Variants in CRADD observed in about 807,000 individuals in gnomAD.
CRADD encodes death domain-containing protein CRADD.
Under a neutral mutation model 15.5 loss-of-function variants are expected in CRADD, and 9 were observed. The observed-to-expected ratio is 0.58, with a 90% CI of 0.35 to 1.01. The LOEUF (loss-of-function observed/expected upper bound fraction) is 1.01. Ranked by LOEUF, CRADD falls within the 50% of genes least tolerant of loss-of-function variation. CRADD has a pLI of 0.02. For missense variants in CRADD, 227 were observed against 250.3 expected (o/e 0.91, Z 0.63); for synonymous variants, 118 against 107.6 (o/e 1.10, Z -0.60).
At chr12:93,751,559 C>T (rs1262240618) in intron 2 of CRADD, among the ~76,000 whole-genome samples, 1 of 152,166 alleles carries the variant, frequency 6.6e-6, no homozygotes, top group African/African-American at 2.4e-5. Context: ...GTTTTAAATA[C>T]TTGACTCTAA....
chr12:93,749,648 A>G (rs537706874), intron 2 of CRADD, among the ~76,000 whole-genome samples: 1 of 152,140 alleles, frequency 6.6e-6, no homozygotes, highest in Non-Finnish European at 1.5e-5. Context: ...TAATTAAAGA[A>G]TATGTGAGCA....
chr12:93,848,295 G>A (rs1460980233), intron 2 of CRADD, among the ~76,000 whole-genome samples: 1 of 152,152 alleles, frequency 6.6e-6, no homozygotes, highest in Non-Finnish European at 1.5e-5. Flanking sequence ...ACACCAGAAA[G>A]AGCCCTTGAC....
intron 2 of CRADD, among the ~76,000 whole-genome samples, chr12:93,841,198 G>A (rs1240401670): frequency 2.0e-5 from 3 of 151,932 alleles, no homozygotes; most frequent in African/African-American, 7.3e-5. Flanking sequence ...TTCATGATAT[G>A]TTACTTTCAA....
intron 2 of CRADD, among the ~76,000 whole-genome samples, chr12:93,829,990 C>T (rs1957874238): frequency 6.6e-6 from 1 of 152,270 alleles, no homozygotes; most frequent in South Asian, 2.1e-4. Flanking sequence ...CCACGCCCGG[C>T]GGTTATTTCA....
intron 2 of CRADD, among the ~76,000 whole-genome samples, chr12:93,744,662 G>A (rs1337861800): frequency 3.3e-5 from 5 of 152,096 alleles, no homozygotes; most frequent in African/African-American, 1.2e-4. Context: ...AACCTCATAA[G>A]CAGCCATTTA....
intron 2 of CRADD, among the ~76,000 whole-genome samples, chr12:93,842,098 A>T (rs1446885221): frequency 6.8e-6 from 1 of 147,600 alleles, no homozygotes; most frequent in Non-Finnish European, 1.5e-5. Context: ...CTCTTCCAGC[A>T]GCTATTTGTG....
intron 2 of CRADD, among the ~76,000 whole-genome samples, chr12:93,681,680 G>T (rs896127251): frequency 2.0e-5 from 3 of 152,140 alleles, no homozygotes; most frequent in Admixed American, 6.5e-5. Context: ...TATTACGATT[G>T]CCTTTAAAAA....
intron 2 of CRADD, among the ~76,000 whole-genome samples, chr12:93,817,346 C>A (rs1320324340): frequency 6.6e-6 from 1 of 152,166 alleles, no homozygotes; most frequent in Non-Finnish European, 1.5e-5. Context: ...GGGTTCGGGA[C>A]AGGGAACGTG....
rs903095279 is a variant in CRADD at position 93,678,954 on chromosome 12, C to T, written c.180C>T (p.Ile60=). The change falls in exon 2 of 3, where the codon ATC becomes ATT. Residue 60 remains isoleucine (I), a synonymous_variant. Coordinates refer to ENST00000332896, the MANE Select transcript of CRADD (RefSeq NM_003805.5). ...GGAAAACAATGCTCCTGCTGGATATCCTACCTTCCAGGGGCCCTAAAGCAT... is the reference window on the plus strand; with the variant it reads ...GGAAAACAATGCTCCTGCTGGATATTCTACCTTCCAGGGGCCCTAAAGCAT... ...GLRKTMLLLD[I]LPSRGPKAFD... 6.8e-6 allele frequency: 11 copies of T among 1,613,920 alleles called. No homozygotes were observed. Among genetic ancestry groups the T allele is most frequent in the Non-Finnish European group, 9.3e-6 (11 of 1,179,924 alleles).
At chr12:93,860,357 A>C (rs1042029109) in intron 2 of CRADD, among the ~76,000 whole-genome samples, 1 of 152,204 alleles carries the variant, frequency 6.6e-6, no homozygotes, top group Non-Finnish European at 1.5e-5. Flanking sequence ...TGGACCAATC[A>C]TGGAACCTTT....
At chr12:93,810,324 G>A (rs997384492) in intron 2 of CRADD, among the ~76,000 whole-genome samples, 6 of 151,976 alleles carry the variant, frequency 3.9e-5, no homozygotes, top group Non-Finnish European at 5.9e-5. Context: ...CGAGGCGGGC[G>A]GATCACCTGA....
At chr12:93,705,976 G>T (rs987891270) in intron 2 of CRADD, among the ~76,000 whole-genome samples, 1 of 152,116 alleles carries the variant, frequency 6.6e-6, no homozygotes, top group African/African-American at 2.4e-5. Context: ...CTGTGTGAAG[G>T]CAATGGTTAT....
intron 2 of CRADD, among the ~76,000 whole-genome samples, chr12:93,809,081 A>C (rs1957589069): frequency 6.6e-6 from 1 of 151,124 alleles, no homozygotes; most frequent in African/African-American, 2.5e-5. Flanking sequence ...CACCCAGATA[A>C]TTTTGTATTT....
At chr12:93,790,641 C>A (rs957992936) in intron 2 of CRADD, 2 of 151,876 alleles carry the variant, frequency 1.3e-5, no homozygotes, top group Admixed American at 1.3e-4. Flanking sequence ...CTTTTCGTAG[C>A]GAGTCAGAGA....
At chr12:93,894,176 G>A in exon 3 of CRADD, 1 of 700,280 alleles carries the variant, frequency 1.4e-6, no homozygotes, top group Non-Finnish European at 2.6e-6. Context: ...CTCTACACCA[G>A]TGGTTCTCAA....
intron 2 of CRADD, among the ~76,000 whole-genome samples, chr12:93,826,442 G>A (rs1219974255): frequency 2.0e-5 from 3 of 152,138 alleles, no homozygotes; most frequent in Non-Finnish European, 2.9e-5. Context: ...ATTTTTCCTC[G>A]GAGAGATGTC....
chr12:93,888,593 T>G (rs1958554861), intron 2 of CRADD, among the ~76,000 whole-genome samples: 1 of 152,088 alleles, frequency 6.6e-6, no homozygotes, highest in Admixed American at 6.5e-5. Flanking sequence ...GTGCATGTGT[T>G]TCAGAAAGAT....
rs777957131 is a variant in CRADD at position 93,678,991 on chromosome 12, C to A, written c.217C>A (p.Leu73Ile). 6.2e-7 allele frequency: 1 copy of A among 1,614,072 alleles called. No homozygotes were observed. The highest frequency in any genetic ancestry group is 8.5e-7 in the Non-Finnish European group (1 of 1,179,946). Residue 73 changes from leucine to isoleucine, a missense_variant, in exon 2 of 3, where the codon CTA becomes ATA. Physicochemically the swap from Leu to Ile is conservative, Grantham distance 5. Coordinates refer to ENST00000332896, the MANE Select transcript of CRADD (RefSeq NM_003805.5). Reference sequence around the variant, plus strand: ...GGGCCCTAAAGCATTTGATACATTCCTAGATTCCCTACAGGAGTTTCCCTG... The same window carrying A: ...GGGCCCTAAAGCATTTGATACATTCATAGATTCCCTACAGGAGTTTCCCTG... The part of the protein sequence containing the change: ...SRGPKAFDTF[L>I]DSLQEFPWVR...
chr12:93,873,672 A>G (rs980734690), intron 2 of CRADD, among the ~76,000 whole-genome samples: 4 of 152,092 alleles, frequency 2.6e-5, no homozygotes, highest in Admixed American at 6.6e-5. Flanking sequence ...AAATGATCAT[A>G]TAGTTTTTAC....
Sources: allele counts gnomAD v4.1 joint callset (sites outside exome capture counted in the v4.1 genomes callset), GRCh38; gene constraint gnomAD v4.1.1; transcripts MANE v1.5; gene names NCBI Gene and HGNC (gene_info 2026-07-23, HGNC 2026-07-21).